Variants in TENM3 observed in about 807,000 individuals in gnomAD.
The protein encoded by TENM3 is teneurin transmembrane protein 3.
Under a neutral mutation model 255.1 loss-of-function variants are expected in TENM3, and 63 were observed. The observed-to-expected ratio is 0.25, with a 90% confidence interval of 0.20 to 0.30. The LOEUF (loss-of-function observed/expected upper bound fraction) is 0.30. Ranked by LOEUF, TENM3 falls within the 10% of genes least tolerant of loss-of-function variation. The probability of loss-of-function intolerance (pLI) is 1.00; values close to 1 mark genes in which losing one functional copy is unlikely to be tolerated. For synonymous variants in TENM3, 1,306 were observed against 1,322.3 expected (o/e 0.99, Z 0.27); for missense variants, 2,929 against 3,461.1 (o/e 0.85, Z 3.86).
At chr4:181,792,005 T>C in the TENM3 span, among the ~76,000 whole-genome samples, 2 of 152,246 alleles carry the variant, frequency 1.3e-5, no homozygotes. Flanking sequence ...CTTTGATGGA[T>C]TCAGTAGATT....
At chr4:181,904,413 A>G in the TENM3 span, among the ~76,000 whole-genome samples, 11 of 152,176 alleles carry the variant, frequency 7.2e-5, no homozygotes, top group African/African-American at 1.2e-4. Context: ...TGATTTGATC[A>G]TTATCCACTG....
At chr4:181,895,954 C>T in the TENM3 span, among the ~76,000 whole-genome samples, 1 of 152,156 alleles carries the variant, frequency 6.6e-6, no homozygotes. Flanking sequence ...CTTCCTTTGA[C>T]TGTTTAAAGG....
At chr4:181,839,670 G>C in the TENM3 span, among the ~76,000 whole-genome samples, 1 of 150,758 alleles carries the variant, frequency 6.6e-6, no homozygotes, top group East Asian at 1.9e-4. Flanking sequence ...AAGTTTGGGG[G>C]TGCTTTTTCA....
At chr4:182,051,856 T>C in the TENM3 span, among the ~76,000 whole-genome samples, 1 of 152,186 alleles carries the variant, frequency 6.6e-6, no homozygotes, top group African/African-American at 2.4e-5. Flanking sequence ...AATAATTGAA[T>C]TACCTTCTCA....
chr4:181,562,911 G>A, the TENM3 span, among the ~76,000 whole-genome samples: 1 of 152,268 alleles, frequency 6.6e-6, no homozygotes, highest in East Asian at 1.9e-4. Context: ...CTGACATCAG[G>A]TGATTAGCCC....
chr4:182,323,846 ATACTATTGTTTCC>A, intron 1 of TENM3, 87 bp from the exon 2 acceptor site: 1 of 604,596 alleles, frequency 1.7e-6, no homozygotes, highest in Non-Finnish European at 2.9e-6. Context: ...TAGATAAGCA[ATACTATTGTTTCC>A]TACCATCCCA....
chr4:182,544,117 A>G (rs1741176143), intron 3 of TENM3, among the ~76,000 whole-genome samples: 1 of 152,134 alleles, frequency 6.6e-6, no homozygotes, highest in Admixed American at 6.6e-5. Flanking sequence ...TTATAGTTCA[A>G]TAAGTTTATA....
the TENM3 span, among the ~76,000 whole-genome samples, chr4:181,658,385 G>A: frequency 1.3e-5 from 2 of 152,252 alleles, no homozygotes; most frequent in South Asian, 2.1e-4. Context: ...ATATTTGAGG[G>A]TTGAGGAAGC....
At chr4:182,435,696 A>C (rs1771989678) in intron 3 of TENM3, among the ~76,000 whole-genome samples, 1 of 152,222 alleles carries the variant, frequency 6.6e-6, no homozygotes, top group Non-Finnish European at 1.5e-5. Context: ...TTTGAAATAG[A>C]ATAGGGAAAA....
chr4:181,580,909 G>A, the TENM3 span, among the ~76,000 whole-genome samples: 3 of 152,160 alleles, frequency 2.0e-5, no homozygotes, highest in Admixed American at 2.0e-4. Flanking sequence ...GACATCAGGG[G>A]ACAGAAAATG....
the TENM3 span, among the ~76,000 whole-genome samples, chr4:181,524,580 T>C: frequency 6.6e-6 from 1 of 152,326 alleles, no homozygotes; most frequent in East Asian, 1.9e-4. Flanking sequence ...TCAGTTTGAC[T>C]GATTAATTAT....
intron 5 of TENM3, among the ~76,000 whole-genome samples, chr4:182,629,148 C>T (rs797018233): frequency 7.2e-5 from 11 of 152,190 alleles, no homozygotes; most frequent in African/African-American, 2.4e-4. Flanking sequence ...TTTGACTTAT[C>T]CCTTGTGAAA....
chr4:182,723,124 C>T (rs916853680), intron 13 of TENM3, among the ~76,000 whole-genome samples: 30 of 152,236 alleles, frequency 2.0e-4, no homozygotes, highest in African/African-American at 7.0e-4. Context: ...CAATTGGTGG[C>T]TTTGTAGTTC....
At chr4:182,526,511 A>T (rs1739204293) in intron 3 of TENM3, among the ~76,000 whole-genome samples, 1 of 152,162 alleles carries the variant, frequency 6.6e-6, no homozygotes, top group African/African-American at 2.4e-5. Context: ...TGTCAGGTAT[A>T]GACATGCACT....
At chr4:181,839,830 G>A in the TENM3 span, among the ~76,000 whole-genome samples, 2 of 151,510 alleles carry the variant, frequency 1.3e-5, no homozygotes, top group South Asian at 4.2e-4. Flanking sequence ...TTTGTCTTTA[G>A]TATCTTGCAG....
intron 3 of TENM3, among the ~76,000 whole-genome samples, chr4:182,521,172 TATC>T (rs1292893376): frequency 2.0e-5 from 3 of 152,200 alleles, no homozygotes; most frequent in African/African-American, 7.2e-5. Context: ...TGAAAGGAAG[TATC>T]ATGCACTCTG....
At chr4:181,545,821 T>C in the TENM3 span, among the ~76,000 whole-genome samples, 1 of 152,194 alleles carries the variant, frequency 6.6e-6, no homozygotes, top group Admixed American at 6.5e-5. Flanking sequence ...TCTACTCGTA[T>C]TTTCTTAATG....
At chr4:182,059,012 A>G in the TENM3 span, among the ~76,000 whole-genome samples, 1 of 150,710 alleles carries the variant, frequency 6.6e-6, no homozygotes, top group Non-Finnish European at 1.5e-5. Context: ...CTAAGCAGAA[A>G]GAGATCAGAA....
intron 3 of TENM3, among the ~76,000 whole-genome samples, chr4:182,522,512 G>A (rs1738685275): frequency 6.6e-6 from 1 of 152,106 alleles, no homozygotes; most frequent in African/African-American, 2.4e-5. Context: ...GCAAATGACA[G>A]GATTTCATTC....
Sources: allele counts gnomAD v4.1 joint callset (sites outside exome capture counted in the v4.1 genomes callset), GRCh38; gene constraint gnomAD v4.1.1; transcripts MANE v1.5; gene names NCBI Gene and HGNC (gene_info 2026-07-23, HGNC 2026-07-21).